Variants in ABTB2 observed in about 807,000 individuals in gnomAD.
The protein encoded by ABTB2 is ankyrin repeat and BTB domain containing 2, also known as ankyrin repeat and BTB/POZ domain-containing protein 2.
ABTB2 carries 56 observed loss-of-function variants against 104.1 expected under a neutral mutation model. That is an observed-to-expected ratio of 0.54 (90% CI 0.43 to 0.67). The LOEUF (loss-of-function observed/expected upper bound fraction) is 0.67, where lower values mean the gene tolerates loss of function less well. Among genes scored for constraint, ABTB2 ranks in the 30% least tolerant of loss-of-function variants. ABTB2 has a pLI of 0.00. For missense variants in ABTB2, 1,279 were observed against 1,407.7 expected (o/e 0.91, Z 1.46); for synonymous variants, 606 against 608.2 (o/e 1.00, Z 0.05).
At chr11:34,226,238 C>T (rs1241775818) in intron 1 of ABTB2, among the ~76,000 whole-genome samples, 3 of 149,386 alleles carry the variant, frequency 2.0e-5, no homozygotes, top group African/African-American at 7.4e-5. Context: ...GAAGCCACTA[C>T]CTATTTGAGT....
At chr11:34,277,795 T>TTCTC (rs201139492) in intron 1 of ABTB2, among the ~76,000 whole-genome samples, 3 of 134,326 alleles carry the variant, frequency 2.2e-5, no homozygotes, top group Non-Finnish European at 1.6e-5. Flanking sequence ...AAACAACAGA[T>TTCTC]TCTCTTTTTT....
chr11:34,246,873 G>C (rs1212523829), intron 1 of ABTB2, among the ~76,000 whole-genome samples: 2 of 133,036 alleles, frequency 1.5e-5, no homozygotes, highest in South Asian at 2.4e-4. Context: ...TTGAGACAGA[G>C]TTTAACTCTT....
intron 3 of ABTB2, among the ~76,000 whole-genome samples, chr11:34,177,089 C>A (rs143764859): frequency 6.6e-6 from 1 of 152,210 alleles, no homozygotes; most frequent in Admixed American, 6.6e-5. Flanking sequence ...AAAGATAATC[C>A]GTGGATTTGC....
intron 9 of ABTB2, among the ~76,000 whole-genome samples, chr11:34,164,107 A>AGCCCCGCTTT (rs1852762156): frequency 1.3e-5 from 2 of 150,714 alleles, no homozygotes; most frequent in Admixed American, 6.6e-5. Context: ...AGCCCTGCTT[A>AGCCCCGCTTT]TCCAGCCCCG....
At chr11:34,208,556 T>C (rs1023724752) in intron 1 of ABTB2, among the ~76,000 whole-genome samples, 1 of 152,182 alleles carries the variant, frequency 6.6e-6, no homozygotes, top group Non-Finnish European at 1.5e-5. Flanking sequence ...GAATGTGCTG[T>C]GGACTGTGCT....
chr11:34,173,108 G>C (rs1340830113), intron 4 of ABTB2, 47 bp downstream of exon 4: 1 of 1,611,292 alleles, frequency 6.2e-7, no homozygotes, highest in South Asian at 1.1e-5. Flanking sequence ...GGAGCCGCTG[G>C]GGGCAGGTCA....
intron 1 of ABTB2, among the ~76,000 whole-genome samples, chr11:34,349,694 C>T (rs188814015): frequency 2.4e-4 from 37 of 152,278 alleles, no homozygotes; most frequent in Non-Finnish European, 4.4e-4. Context: ...GTTTCACAGC[C>T]AAGGGTGAAT....
intron 1 of ABTB2, among the ~76,000 whole-genome samples, chr11:34,212,509 G>A (rs902908874): frequency 1.3e-5 from 2 of 152,184 alleles, no homozygotes; most frequent in Non-Finnish European, 2.9e-5. Context: ...ATTTGCCAGC[G>A]AGGGACACTG....
At chr11:34,267,758 T>C (rs528534357) in intron 1 of ABTB2, among the ~76,000 whole-genome samples, 18 of 151,908 alleles carry the variant, frequency 1.2e-4, no homozygotes, top group Admixed American at 7.9e-4. Context: ...CAGGAGGACA[T>C]TGGAGACTTC....
chr11:34,279,313 G>C (rs1854422412), intron 1 of ABTB2, among the ~76,000 whole-genome samples: 1 of 152,118 alleles, frequency 6.6e-6, no homozygotes, highest in Non-Finnish European at 1.5e-5. Flanking sequence ...TGTTGCCAAG[G>C]CTGGTCTTGA....
At chr11:34,264,326 T>G (rs1339232475) in intron 1 of ABTB2, among the ~76,000 whole-genome samples, 2 of 152,178 alleles carry the variant, frequency 1.3e-5, no homozygotes, top group Admixed American at 1.3e-4. Context: ...TGGCAGCACA[T>G]CAGGCACATG....
rs528097888 is a variant in ABTB2 at position 34,310,261 on chromosome 11, T to G, written c.883+46440A>C. Among the ~76,000 whole-genome samples the G allele has an allele frequency of 6.6e-5, 10 of 152,280 alleles. No homozygotes were observed. In the South Asian group the frequency reaches 2.1e-3, roughly 32 times the overall value. On this transcript the variant is annotated intron_variant, in intron 1 of 16. Transcript: ENST00000435224. ...CCATTTTCACTTTACCACTTTATTATTCCACAGATACCCTAAACTTGGCCC... is the reference window on the plus strand; with the variant it reads ...CCATTTTCACTTTACCACTTTATTAGTCCACAGATACCCTAAACTTGGCCC...
At chr11:34,309,118 T>C (rs141053875) in intron 1 of ABTB2, among the ~76,000 whole-genome samples, 1 of 152,344 alleles carries the variant, frequency 6.6e-6, no homozygotes, top group Non-Finnish European at 1.5e-5. Context: ...CCTCTACTTA[T>C]ACAGGTTGCT....
At chr11:34,168,082 G>A (rs373276093) in intron 5 of ABTB2, 90 bp from the exon 6 acceptor site, 11 of 1,326,912 alleles carry the variant, frequency 8.3e-6, no homozygotes, top group Middle Eastern at 1.8e-4. Context: ...ACCACAGATC[G>A]GGCACCCCGC....
At chr11:34,285,803 C>A (rs572915361) in intron 1 of ABTB2, among the ~76,000 whole-genome samples, 6 of 152,190 alleles carry the variant, frequency 3.9e-5, no homozygotes, top group African/African-American at 1.4e-4. Context: ...TACTGAGAGG[C>A]AAGCACTTCT....
rs557283762 is a variant in ABTB2, at chr11:34,156,819, C to T, written c.2698-2050G>A. ...GATTACAGGCGTGAGCCACCGTGCCCGGCTGTGAGTAACTTTTTACATTGA... is the reference window on the plus strand; with the variant it reads ...GATTACAGGCGTGAGCCACCGTGCCTGGCTGTGAGTAACTTTTTACATTGA... On this transcript the variant is annotated intron_variant, in intron 14 of 16. Coordinates refer to ENST00000435224, the MANE Select transcript of ABTB2 (RefSeq NM_145804.3). 7.9e-5 allele frequency among the ~76,000 whole-genome samples: 12 copies of T among 152,236 alleles called. No homozygotes were observed. The South Asian group carries it at 8.3e-4, about 11-fold the overall frequency.
At chr11:34,207,478 TG>T (rs1325208475) in intron 1 of ABTB2, among the ~76,000 whole-genome samples, 1 of 152,254 alleles carries the variant, frequency 6.6e-6, no homozygotes, top group African/African-American at 2.4e-5. Flanking sequence ...TCACAACTTT[TG>T]CCTAGTACCT....
intron 2 of ABTB2, among the ~76,000 whole-genome samples, chr11:34,201,554 C>T (rs908487108): frequency 2.6e-5 from 4 of 152,190 alleles, no homozygotes; most frequent in African/African-American, 7.2e-5. Context: ...ACTTCTCACC[C>T]TATCTGGCAG....
chr11:34,298,086 T>G (rs1419315356), intron 1 of ABTB2, among the ~76,000 whole-genome samples: 5 of 104,874 alleles, frequency 4.8e-5, no homozygotes, highest in Non-Finnish European at 1.1e-4. Context: ...TAAATGTCTG[T>G]TTTTTTTTTT....
Sources: allele counts gnomAD v4.1 joint callset (sites outside exome capture counted in the v4.1 genomes callset), GRCh38; gene constraint gnomAD v4.1.1; transcripts MANE v1.5; gene names NCBI Gene and HGNC (gene_info 2026-07-23, HGNC 2026-07-21).